NPC1L1: variants seen among roughly 807,000 people sequenced by gnomAD.
NPC1L1 encodes NPC1-like intracellular cholesterol transporter 1.
In NPC1L1, 98 loss-of-function variants were observed where a neutral mutation model predicts 117.0. The observed-to-expected ratio is 0.84, with a 90% CI of 0.71 to 0.99. The LOEUF (loss-of-function observed/expected upper bound fraction) is 0.99. Among genes scored for constraint, NPC1L1 ranks in the 50% least tolerant of loss-of-function variants. NPC1L1 has a pLI of 0.00. For missense variants in NPC1L1, 1,540 were observed against 1,710.0 expected (o/e 0.90, Z 1.75); for synonymous variants, 729 against 727.6 (o/e 1.00, Z -0.03).
chr7:44,524,237 C>G (rs1801441136), intron 10 of NPC1L1, among the ~76,000 whole-genome samples: 1 of 152,122 alleles, frequency 6.6e-6, no homozygotes, highest in Non-Finnish European at 1.5e-5. Context: ...GGCTGATCCC[C>G]AGCACAGAAA....
chr7:44,534,716 G>C lies in NPC1L1; in HGVS notation c.1984-87C>G, dbSNP rs527815414. 2.7e-6 allele frequency: 4 copies of C among 1,460,988 alleles called. No homozygotes were observed. Among genetic ancestry groups the C allele is most frequent in the Non-Finnish European group, 2.8e-6 (3 of 1,054,698 alleles). 90.5% of individuals were successfully genotyped at this position (1,460,988 alleles called of 1,614,324 possible). ...CTCAGCTAGGCCAGACAAAGTAGCC[G>C]GCAGGCACCCTCAGTGCCTGCAGGT... On this transcript the variant is annotated intron_variant, in intron 5 of 18. Coordinates refer to ENST00000381160, the MANE Select transcript of NPC1L1 (RefSeq NM_001101648.2). The surrounding 1 kb of genome is among the most constrained non-coding windows in gnomAD (Gnocchi z 5.2).
Position 44,538,702 on chromosome 7 carries a change from TAGCTACCTCTGGTCCTTCAGGACC to T in NPC1L1, c.1580+91_1580+114del, listed in dbSNP as rs1408788357. The T allele has an allele frequency of 9.5e-7, 1 of 1,055,082 alleles. No individual in the cohort carries two copies. Among genetic ancestry groups the T allele is most frequent in the East Asian group, 2.4e-5 (1 of 42,322 alleles). 65.4% of individuals were successfully genotyped at this position (1,055,082 alleles called of 1,614,324 possible). ...CGGCCCCAGGCCAGAGCCGTAGGAA[TAGCTACCTCTGGTCCTTCAGGACC>T]AGCTGTATGCCCGGCCAGGTTCCCA... is the stretch of plus-strand genomic sequence containing the variant. On this transcript the variant is annotated intron_variant, in intron 2 of 18. Transcript: ENST00000381160. This position sits in a 1 kb window ranked among gnomAD's most constrained non-coding sequence, Gnocchi z 5.9.
Position 44,521,021 on chromosome 7 carries a change from G to A in NPC1L1, c.3051C>T (p.Asn1017=), listed in dbSNP as rs746664671. Residue 1017 remains asparagine, a synonymous_variant, in exon 13 of 19, where the codon AAC becomes AAT. Coordinates refer to ENST00000381160, the MANE Select transcript of NPC1L1 (RefSeq NM_001101648.2). ...TGGGACATTTGATGTTGGGCCGGTC[G>A]TTCAGGAACCAGGGAAGATACTTAT... ...QFHKYLPWFL[N]DRPNIKCPKG... is the part of the protein sequence containing the mutation. The A allele has an allele frequency of 2.2e-5, 36 of 1,614,050 alleles. No homozygotes were observed. The Admixed American group carries it at 2.5e-4, about 11-fold the overall frequency.
At chr7:44,524,692 C>T (rs962445027) in intron 10 of NPC1L1, among the ~76,000 whole-genome samples, 29 of 151,718 alleles carry the variant, frequency 1.9e-4, no homozygotes, top group African/African-American at 5.6e-4. Context: ...TGCAGTGACC[C>T]GAGATCACAC....
chr7:44,534,550 G>A lies in NPC1L1; in HGVS notation c.2063C>T (p.Ser688Phe). The A allele has an allele frequency of 6.2e-7, 1 of 1,614,144 alleles. No homozygotes were observed. Among genetic ancestry groups the A allele is most frequent in the Non-Finnish European group, 8.5e-7 (1 of 1,180,006 alleles). ...GAVMAAMGFF[S>F]YLGIRSSLVI... ...CAGGGAGGAGCGGATACCCAAGTAG[G>A]AGAAGAAGCCCATGGCAGCCATGAC... The change falls in exon 6 of 19, where the codon TCC (serine) becomes TTC (phenylalanine). Residue 688 changes from serine to phenylalanine, a missense_variant. Around this residue, in one of 3 missense-constraint regions of NPC1L1, gnomAD observed 742 missense variants for 873.6 expected, o/e 0.85. Transcript: ENST00000381160. The surrounding 1 kb of genome is among the most constrained non-coding windows in gnomAD (Gnocchi z 5.2).
In NPC1L1 at chr7:44,539,028, A is replaced by G. The variant is rs897061397; in HGVS notation, c.1369T>C (p.Trp457Arg). ...ATGTTGCGCTGTGCTTCGGGCGACC[A>G]TACCTGGAGGTGCCGCAGCCTCTCC... The part of the protein sequence containing the change: ...LQERLRHLQV[W>R]SPEAQRNISL... The change falls in exon 2 of 19, where the codon TGG (tryptophan) becomes CGG (arginine). Residue 457 changes from tryptophan to arginine, a missense_variant. Transcript: ENST00000381160. This position sits in a 1 kb window ranked among gnomAD's most constrained non-coding sequence, Gnocchi z 4.4. The G allele has an allele frequency of 2.5e-6, 4 of 1,614,022 alleles. No individual in the cohort carries two copies. The highest frequency in any genetic ancestry group is 3.4e-6 in the Non-Finnish European group (4 of 1,180,036).
chr7:44,537,903 G>C (rs574698957), intron 2 of NPC1L1, among the ~76,000 whole-genome samples: 1 of 152,164 alleles, frequency 6.6e-6, no homozygotes, highest in East Asian at 1.9e-4. Context: ...AGACACTCTG[G>C]GAAGCAGCCC....
chr7:44,523,914 A>C (rs911149020), intron 10 of NPC1L1, among the ~76,000 whole-genome samples: 17 of 152,174 alleles, frequency 1.1e-4, no homozygotes, highest in Non-Finnish European at 1.6e-4. Flanking sequence ...GAGTTCTGAT[A>C]ATTGATCATT....
rs200548595 is a variant in NPC1L1 at position 44,540,367 on chromosome 7, G to A, written c.55-25C>T. ...CCTGCAGAGCACAGCAACATCACGC[G>A]TGGGCCCTGACACAGCTGGGTGCCA... On this transcript the variant is annotated intron_variant, in intron 1 of 18. Coordinates refer to ENST00000381160, the MANE Select transcript of NPC1L1 (RefSeq NM_001101648.2). The A allele has an allele frequency of 7.7e-5, 123 of 1,603,796 alleles. No individual in the cohort carries two copies. In the African/African-American group the frequency reaches 1.3e-3, roughly 17 times the overall value.
In NPC1L1 at chr7:44,540,141, T is replaced by A; in HGVS notation, c.256A>T (p.Asn86Tyr). Residue 86 changes from asparagine to tyrosine, a missense_variant, in exon 2 of 19, where the codon AAC (asparagine) becomes TAC (tyrosine). Transcript: ENST00000381160. The part of the protein sequence containing the change: ...KICPRLYTGP[N>Y]TQACCSAKQL... Reference sequence around the variant, plus strand: ...TTGGCGGAGCAGCAGGCTTGGGTGTTGGGGCCGGTGTAGAGGCGGGGGCAG... The same window carrying A: ...TTGGCGGAGCAGCAGGCTTGGGTGTAGGGGCCGGTGTAGAGGCGGGGGCAG... The A allele has an allele frequency of 3.7e-6, 6 of 1,614,042 alleles. No homozygotes were observed. The highest frequency in any genetic ancestry group is 5.1e-6 in the Non-Finnish European group (6 of 1,180,004).
Position 44,516,875 on chromosome 7 carries a change from A to G in NPC1L1, c.3347T>C (p.Leu1116Pro), listed in dbSNP as rs1364802583. 1.2e-6 allele frequency: 2 copies of G among 1,614,146 alleles called. No homozygotes were observed. Among genetic ancestry groups the G allele is most frequent in the Non-Finnish European group, 1.7e-6 (2 of 1,180,042 alleles). Residue 1116 changes from leucine (L) to proline (P), a missense_variant, in exon 16 of 19, where the codon CTC becomes CCC. By Grantham distance (98) the Leu-to-Pro change is moderately conservative (BLOSUM62 -3). Coordinates refer to ENST00000381160, the MANE Select transcript of NPC1L1 (RefSeq NM_001101648.2). The part of the protein sequence containing the change: ...LTILPEGLFM[L>P]SLCLVPTFAV... ...GAAGGTGGGCACAAGGCAGAGGCTG[A>G]GCATGAAGAGCCCCTCAGGGAGGAT...
rs757606608 is a variant in NPC1L1 at position 44,536,307 on chromosome 7, T to G, written c.1803A>C (p.Arg601=). 1 of 1,614,050 alleles carries G rather than the reference T, an allele frequency of 6.2e-7. No individual in the cohort carries two copies. Among genetic ancestry groups the G allele is most frequent in the Non-Finnish European group, 8.5e-7 (1 of 1,180,026 alleles). ...LWEEAFLEEM[R]AFQRRMAGMF... Reference sequence around the variant, plus strand: ...TGCCAGCCATCCGACGCTGGAAGGCTCGCATTTCCTCTAAGAAGGCCTCCT... The same window carrying G: ...TGCCAGCCATCCGACGCTGGAAGGCGCGCATTTCCTCTAAGAAGGCCTCCT... Residue 601 remains arginine, a synonymous_variant, in exon 4 of 19, where the codon CGA becomes CGC. Transcript: ENST00000381160. This position sits in a 1 kb window ranked among gnomAD's most constrained non-coding sequence, Gnocchi z 4.7.
chr7:44,530,666 G>A (rs1346374211), intron 10 of NPC1L1, among the ~76,000 whole-genome samples: 1 of 152,154 alleles, frequency 6.6e-6, no homozygotes, highest in African/African-American at 2.4e-5. Flanking sequence ...AGCAGGGTCT[G>A]GCAGCCCATC....
chr7:44,540,676 C>T (rs1428651442), intron 1 of NPC1L1, among the ~76,000 whole-genome samples: 3 of 152,086 alleles, frequency 2.0e-5, no homozygotes, highest in East Asian at 1.9e-4. Flanking sequence ...CTGTACACCA[C>T]ATCCAGAGGC....
chr7:44,530,198 C>T (rs1274677611), intron 10 of NPC1L1, among the ~76,000 whole-genome samples: 2 of 151,826 alleles, frequency 1.3e-5, no homozygotes, highest in Admixed American at 6.6e-5. Context: ...ATTAGCTGGG[C>T]GTGGTGGCGG....
At position 44,539,311 on chromosome 7, in the gene NPC1L1, C is replaced by G. The variant is rs201987651; in HGVS notation, c.1086G>C (p.Pro362=). The change falls in exon 2 of 19, where the codon CCG becomes CCC. Residue 362 remains proline (P), a synonymous_variant. Coordinates refer to ENST00000381160, the MANE Select transcript of NPC1L1 (RefSeq NM_001101648.2). This position sits in a 1 kb window ranked among gnomAD's most constrained non-coding sequence, Gnocchi z 4.4. ...PLTILVLSVI[P]VVALAAGLVF... is the part of the protein sequence containing the mutation. Reference sequence around the variant, plus strand: ...CCAGGCCCGCTGCCAAGGCCACCACCGGGATGACAGATAGCACCAAGATGG... The same window carrying G: ...CCAGGCCCGCTGCCAAGGCCACCACGGGGATGACAGATAGCACCAAGATGG... 1 of 1,614,046 alleles carries G rather than the reference C, an allele frequency of 6.2e-7. No individual in the cohort carries two copies. Among genetic ancestry groups the G allele is most frequent in the Admixed American group, 1.7e-5 (1 of 60,024 alleles).
chr7:44,536,550 C>A lies in NPC1L1; in HGVS notation c.1682-122G>T. The A allele has an allele frequency of 9.1e-7, 1 of 1,099,688 alleles. No homozygotes were observed. The highest frequency in any genetic ancestry group is 1.5e-5 in the African/African-American group (1 of 65,240). 68.1% of individuals were successfully genotyped at this position (1,099,688 alleles called of 1,614,324 possible). On this transcript the variant is annotated intron_variant, in intron 3 of 18. Transcript: ENST00000381160. This position sits in a 1 kb window ranked among gnomAD's most constrained non-coding sequence, Gnocchi z 4.7. The stretch of plus-strand genomic sequence containing the variant: ...CCTCCCATCACCCCTTGCTCCTTCT[C>A]CCCCACTCCTTCCTCATCTGATACA...
chr7:44,539,951 T>C lies in NPC1L1; in HGVS notation c.446A>G (p.Gln149Arg). The C allele has an allele frequency of 6.2e-7, 1 of 1,614,218 alleles. No homozygotes were observed. The highest frequency in any genetic ancestry group is 8.5e-7 in the Non-Finnish European group (1 of 1,180,036). ...CTCATAGGCCACCACAGCTGGGAGT[T>C]GTCCAGCCCCTAGCTGGGCCACGCG... ...VTRVAQLGAG[Q>R]LPAVVAYEAF... The change falls in exon 2 of 19, where the codon CAA becomes CGA. Residue 149 changes from glutamine to arginine, a missense_variant. Physicochemically the swap from Gln to Arg is conservative, Grantham distance 43. This residue lies in a region of NPC1L1 where 793 missense variants were observed against 820.4 expected (regional missense o/e 0.97). Transcript: ENST00000381160. This position sits in a 1 kb window ranked among gnomAD's most constrained non-coding sequence, Gnocchi z 4.4.
Position 44,533,433 on chromosome 7 carries a change from C to A in NPC1L1, c.2407G>T (p.Glu803Ter), listed in dbSNP as rs1322275100. 10 of 1,613,734 alleles carry A rather than the reference C, an allele frequency of 6.2e-6. No homozygotes were observed. The highest frequency in any genetic ancestry group is 8.5e-6 in the Non-Finnish European group (10 of 1,179,918). ...AGTACTGGCCCAGCTGCCCCTACCT[C>A]CTGCCTCTTGCTGTCCAGGGAGAGC... ...ALLSLDSKRQEASRLDVCCCV... is the reference protein window; with the variant it reads ...ALLSLDSKRQ The change falls in exon 8 of 19, where the codon GAG (glutamate) becomes TAG (stop). Residue 803 changes from glutamate to a stop codon, truncating the protein, a stop_gained and splice_region_variant. Coordinates refer to ENST00000381160, the MANE Select transcript of NPC1L1 (RefSeq NM_001101648.2). LOFTEE classifies it high-confidence loss of function.
Sources: gnomAD v4.1 joint callset for allele counts (sites outside exome capture counted in the v4.1 genomes callset) on GRCh38, gnomAD v4.1.1 for gene constraint, gnomAD v4.1.1 regional missense constraint, Gnocchi (gnomAD v3.1) non-coding constraint, MANE v1.5 for transcripts, NCBI Gene and HGNC (gene_info 2026-07-23, HGNC 2026-07-21) for gene names.